STK3: variants seen among roughly 807,000 people sequenced by gnomAD.
STK3 encodes the protein serine/threonine kinase 3.
In STK3, 41 loss-of-function variants were observed where a neutral mutation model predicts 58.0. The ratio of observed to expected loss-of-function variants is 0.71; its 90% CI spans 0.55 to 0.92. The LOEUF (loss-of-function observed/expected upper bound fraction) is 0.92, where lower values mean the gene tolerates loss of function less well. Ranked by LOEUF, STK3 falls within the 40% of genes least tolerant of loss-of-function variation. The pLI is 0.00. For missense variants in STK3, 479 were observed against 602.7 expected (o/e 0.79, Z 2.15); for synonymous variants, 170 against 191.0 (o/e 0.89, Z 0.91).
At chr8:98,903,551 T>TTCC (rs1564093646) in intron 1 of STK3, among the ~76,000 whole-genome samples, 1,615 of 17,524 alleles carry the variant, frequency 0.092, 61 homozygotes, top group African/African-American at 0.12. Flanking sequence ...CTTCTTCTTC[T>TTCC]TCTTCCTTTT....
At chr8:98,742,266 G>T (rs1829284297) in intron 4 of STK3, among the ~76,000 whole-genome samples, 1 of 151,682 alleles carries the variant, frequency 6.6e-6, no homozygotes, top group East Asian at 1.9e-4. Context: ...AAGCCGGGCA[G>T]AAACACAACC....
intron 10 of STK3, among the ~76,000 whole-genome samples, chr8:98,494,688 A>G (rs1025637765): frequency 1.2e-4 from 18 of 145,362 alleles, no homozygotes; most frequent in Admixed American, 3.4e-4. Flanking sequence ...AAAGAGAGAG[A>G]GAGATTATGA....
intron 1 of STK3, among the ~76,000 whole-genome samples, chr8:98,802,520 A>G (rs779326638): frequency 1.6e-4 from 25 of 152,212 alleles, no homozygotes; most frequent in Non-Finnish European, 3.4e-4. Flanking sequence ...AAACTGGGTG[A>G]TGAATACATA....
At chr8:98,854,783 C>T (rs867820001) in intron 3 of STK3, among the ~76,000 whole-genome samples, 7 of 152,220 alleles carry the variant, frequency 4.6e-5, no homozygotes, top group Middle Eastern at 3.4e-3. Context: ...AAACTGGGCA[C>T]GGTGGCTCAC....
At chr8:98,580,635 CAG>C (rs1179251647) in intron 7 of STK3, among the ~76,000 whole-genome samples, 2 of 152,146 alleles carry the variant, frequency 1.3e-5, no homozygotes, top group African/African-American at 4.8e-5. Flanking sequence ...TTGTTTGAGA[CAG>C]GGGCTTGCTC....
At chr8:98,643,290 C>A (rs941977456) in intron 6 of STK3, among the ~76,000 whole-genome samples, 14 of 152,116 alleles carry the variant, frequency 9.2e-5, no homozygotes, top group Non-Finnish European at 5.9e-5. Flanking sequence ...CTTTGTAACA[C>A]CTTTATTATC....
intron 6 of STK3, among the ~76,000 whole-genome samples, chr8:98,661,007 T>G (rs1257591763): frequency 6.6e-6 from 1 of 151,388 alleles, no homozygotes; most frequent in Non-Finnish European, 1.5e-5. Context: ...AGATACTAAC[T>G]TAAATCCACA....
intron 1 of STK3, among the ~76,000 whole-genome samples, chr8:98,900,371 A>G (rs1183852748): frequency 1.3e-5 from 2 of 152,012 alleles, no homozygotes; most frequent in East Asian, 3.9e-4. Context: ...GTGAGCCACC[A>G]TGCCCAGCCT....
intron 6 of STK3, among the ~76,000 whole-genome samples, chr8:98,623,041 A>T (rs1348551273): frequency 6.6e-6 from 1 of 152,224 alleles, no homozygotes; most frequent in Non-Finnish European, 1.5e-5. Context: ...TGAACAAATG[A>T]TGAGTAATGC....
At chr8:98,422,605 G>T (rs900169650) in intron 3 of STK3, among the ~76,000 whole-genome samples, 3 of 152,210 alleles carry the variant, frequency 2.0e-5, no homozygotes, top group Non-Finnish European at 4.4e-5. Context: ...GGAGGAGCAG[G>T]CACAGGAAAC....
rs545058293 is a variant in STK3, at chr8:98,372,446, G to A, written n.112-768C>T. On this transcript the variant is annotated intron_variant and non_coding_transcript_variant, in intron 2 of 2. Transcript: ENST00000518704. ...GCCCCTCCACCCACTCCTGTGAGAC[G>A]ACGCAGACTTCAGCTCCAAACCCAG... is the stretch of plus-strand genomic sequence containing the variant. Among the ~76,000 whole-genome samples the A allele has an allele frequency of 1.8e-4, 27 of 152,190 alleles. No homozygotes were observed. In the South Asian group the frequency reaches 3.7e-3, roughly 21 times the overall value.
chr8:98,698,500 A>G (rs906173484), intron 6 of STK3, among the ~76,000 whole-genome samples: 75 of 152,224 alleles, frequency 4.9e-4, no homozygotes, highest in African/African-American at 1.7e-3. Context: ...AGTGGCTGGT[A>G]CCGGTTGTTC....
chr8:98,916,425 G>GCAAA (rs111911342), intron 1 of STK3, among the ~76,000 whole-genome samples: 82 of 152,174 alleles, frequency 5.4e-4, no homozygotes, highest in Middle Eastern at 3.4e-3. Flanking sequence ...AAACAAGCAA[G>GCAAA]CAAACAAACA....
intron 3 of STK3, among the ~76,000 whole-genome samples, chr8:98,862,531 C>T (rs1489259247): frequency 2.0e-5 from 3 of 152,192 alleles, no homozygotes; most frequent in Non-Finnish European, 4.4e-5. Context: ...CCATGTTAGT[C>T]TAGGTTCACA....
At chr8:98,915,367 C>T (rs1839303158) in intron 1 of STK3, among the ~76,000 whole-genome samples, 1 of 148,254 alleles carries the variant, frequency 6.7e-6, no homozygotes, top group Non-Finnish European at 1.5e-5. Flanking sequence ...CTCCTTGCTC[C>T]TCAGCCTGCA....
chr8:98,367,646 G>A (rs1007512547), downstream of STK3, among the ~76,000 whole-genome samples: 9 of 152,192 alleles, frequency 5.9e-5, no homozygotes, highest in African/African-American at 2.2e-4. Flanking sequence ...GGGCTGCCTG[G>A]ACTAAGGCTA....
chr8:98,626,072 T>TG (rs2130447657), intron 6 of STK3, among the ~76,000 whole-genome samples: 1 of 150,116 alleles, frequency 6.7e-6, no homozygotes, highest in African/African-American at 2.5e-5. Context: ...TAAAAGGAGG[T>TG]GGGGAAAAAG....
At chr8:98,764,389 G>T (rs1483737696) in intron 3 of STK3, among the ~76,000 whole-genome samples, 1 of 152,112 alleles carries the variant, frequency 6.6e-6, no homozygotes, top group Non-Finnish European at 1.5e-5. Flanking sequence ...ACTGCTAGGC[G>T]CTGAACAGGT....
At chr8:98,651,405 A>C (rs1223026434) in intron 6 of STK3, 2 of 152,280 alleles carry the variant, frequency 1.3e-5, no homozygotes, top group Non-Finnish European at 2.9e-5. Flanking sequence ...ACAGAGCAGA[A>C]AAACTGGAAA....
Sources: allele counts gnomAD v4.1 joint callset (sites outside exome capture counted in the v4.1 genomes callset), GRCh38; gene constraint gnomAD v4.1.1; transcripts MANE v1.5; gene names NCBI Gene and HGNC (gene_info 2026-07-23, HGNC 2026-07-21).